The following BPIFB4 variants were observed in gnomAD, a reference collection of about 807,000 sequenced individuals.
BPIFB4 encodes BPI fold containing family B member 4.
BPIFB4 carries 62 observed loss-of-function variants against 69.2 expected under a neutral mutation model. That is an observed-to-expected ratio of 0.90 (90% CI 0.73 to 1.11). BPIFB4 has a LOEUF of 1.11. Ranked by LOEUF, BPIFB4 falls within the 50% of genes least tolerant of loss-of-function variation. The pLI, the probability that BPIFB4 is intolerant of heterozygous loss-of-function variation, is 0.00. For synonymous variants in BPIFB4, 330 were observed against 332.7 expected (o/e 0.99, Z 0.09); for missense variants, 789 against 792.0 (o/e 1.00, Z 0.04).
rs757051950 is a variant in BPIFB4, at chr20:33,089,008, G to T, written c.969G>T (p.Leu323=). The T allele has an allele frequency of 2.0e-5, 33 of 1,613,788 alleles. No homozygotes were observed. The highest frequency in any genetic ancestry group is 2.5e-5 in the Non-Finnish European group (30 of 1,179,870). Residue 323 remains leucine, a synonymous_variant, in exon 8 of 18, where the codon CTG becomes CTT. Coordinates refer to ENST00000375483, the MANE Select transcript of BPIFB4 (RefSeq NM_182519.3). The part of the protein sequence containing the change: ...NLVDNLVNRV[L]ADVLPDLLCP... ...TGGACAATTTAGTGAACCGAGTCCT[G>T]GCCGACGTCCTCCCTGACTTGGTAA...
intron 7 of BPIFB4, among the ~76,000 whole-genome samples, chr20:33,087,567 A>G (rs773043529): frequency 1.3e-5 from 2 of 152,166 alleles, no homozygotes; most frequent in Non-Finnish European, 2.9e-5. Context: ...AATTTGCCTG[A>G]TCTTGTGTCC....
intron 9 of BPIFB4, 130 bp from the exon 10 acceptor site, chr20:33,090,578 T>G (rs1981568055): frequency 6.9e-7 from 1 of 1,453,710 alleles, no homozygotes; most frequent in East Asian, 2.4e-5. Context: ...AACCCAGAAC[T>G]TTTGCTCTTT....
intron 11 of BPIFB4, among the ~76,000 whole-genome samples, chr20:33,094,237 A>T (rs1452512104): frequency 6.6e-6 from 1 of 152,216 alleles, no homozygotes. Flanking sequence ...AATGATATCC[A>T]TGCAGAAGGT....
At position 33,100,483 on chromosome 20, in the gene BPIFB4, A is replaced by C. The variant is rs1265598421; in HGVS notation, c.1627A>C (p.Lys543Gln). The C allele has an allele frequency of 1.2e-6, 2 of 1,607,740 alleles. No homozygotes were observed. The highest frequency in any genetic ancestry group is 1.7e-6 in the Non-Finnish European group (2 of 1,174,204). The change falls in exon 14 of 18, where the codon AAG becomes CAG. Residue 543 changes from lysine (K) to glutamine (Q), a missense_variant. Around this residue, in one of 3 missense-constraint regions of BPIFB4, gnomAD observed 170 missense variants for 193.6 expected, o/e 0.88. Transcript: ENST00000375483. Reference sequence around the variant, plus strand: ...AGGAGATAAGCTCATGATTGATGCCAAGCTGGAGAAGTAAGGGGCTATGCT... The same window carrying C: ...AGGAGATAAGCTCATGATTGATGCCCAGCTGGAGAAGTAAGGGGCTATGCT... The part of the protein sequence containing the change: ...TEGDKLMIDA[K>Q]LEKTSLNLRT...
At position 33,083,687 on chromosome 20, in the gene BPIFB4, G is replaced by T; in HGVS notation, c.490G>T (p.Gly164Trp). 1 of 1,614,062 alleles carries T rather than the reference G, an allele frequency of 6.2e-7. No homozygotes were observed. The highest frequency in any genetic ancestry group is 8.5e-7 in the Non-Finnish European group (1 of 1,179,976). Residue 164 changes from glycine (G) to tryptophan (W), a missense_variant, in exon 5 of 18, where the codon GGG becomes TGG. Transcript: ENST00000375483. ...PGEIPPGVAT[G>W]AVGPGGLLGT... ...AGAAATCCCACCTGGAGTTGCCACT[G>T]GGGCGGTGGGCCCAGGTGGTTTGCT... is the stretch of plus-strand genomic sequence containing the variant.
At chr20:33,106,422 G>A (rs1982059287) in intron 16 of BPIFB4, among the ~76,000 whole-genome samples, 1 of 145,246 alleles carries the variant, frequency 6.9e-6, no homozygotes, top group Non-Finnish European at 1.5e-5. Context: ...GCCCAGGCTA[G>A]AGTACAGTGG....
intron 16 of BPIFB4, among the ~76,000 whole-genome samples, chr20:33,106,019 G>A (rs964832440): frequency 6.6e-6 from 1 of 152,166 alleles, no homozygotes; most frequent in African/African-American, 2.4e-5. Flanking sequence ...AGCGTTCCAT[G>A]GCCGAGCAAG....
At chr20:33,082,391 T>C (rs1351445056) in intron 3 of BPIFB4, among the ~76,000 whole-genome samples, 1 of 152,178 alleles carries the variant, frequency 6.6e-6, no homozygotes, top group Non-Finnish European at 1.5e-5. Flanking sequence ...TGGAGTGCAA[T>C]GGTGCGATCT....
chr20:33,098,105 A>G (rs530579420), intron 13 of BPIFB4, among the ~76,000 whole-genome samples: 1 of 152,292 alleles, frequency 6.6e-6, no homozygotes, highest in East Asian at 1.9e-4. Context: ...GGTTGTCGTG[A>G]TGACTGAATG....
In BPIFB4 at chr20:33,095,097, T is replaced by C. The variant is rs1056464618; in HGVS notation, c.1345-3T>C. On this transcript the variant is annotated splice_polypyrimidine_tract_variant and splice_region_variant and intron_variant, in intron 11 of 17. Transcript: ENST00000375483. ...TCACGTGGCCCTTCTTCTTGTCCTA[T>C]AGTTTGAAGAGCTTCCTCCACTTAC... The C allele has an allele frequency of 1.9e-6, 3 of 1,610,562 alleles. No homozygotes were observed. Among genetic ancestry groups the C allele is most frequent in the African/African-American group, 2.7e-5 (2 of 74,840 alleles).
intron 6 of BPIFB4, among the ~76,000 whole-genome samples, 184 bp from the exon 7 acceptor site, chr20:33,085,837 G>A (rs970161742): frequency 9.2e-5 from 14 of 152,236 alleles, no homozygotes; most frequent in African/African-American, 3.1e-4. Context: ...CTCATGGGCT[G>A]AGGGGGAGAT....
intron 2 of BPIFB4, 48 bp from the exon 3 acceptor site, chr20:33,081,463 AG>A: frequency 6.5e-7 from 1 of 1,541,510 alleles, no homozygotes; most frequent in Non-Finnish European, 8.8e-7. Flanking sequence ...CCTGCTGGCC[AG>A]GGTGGTGGCG....
chr20:33,110,813 G>GTTTTT (rs1409074801), intron 17 of BPIFB4, among the ~76,000 whole-genome samples: 1 of 114,244 alleles, frequency 8.8e-6, no homozygotes, highest in Non-Finnish European at 1.8e-5. Flanking sequence ...TTTTGTTGAA[G>GTTTTT]TTTTTTTTTT....
At chr20:33,090,887 A>G in intron 10 of BPIFB4, 88 bp downstream of exon 10, 1 of 1,511,004 alleles carries the variant, frequency 6.6e-7, no homozygotes, top group Non-Finnish European at 9.0e-7. Flanking sequence ...CTTCTGCTGA[A>G]TGCCTGGGAA....
At chr20:33,083,141 G>A (rs982280973) in intron 4 of BPIFB4, 141 bp downstream of exon 4, 41 of 968,628 alleles carry the variant, frequency 4.2e-5, no homozygotes, top group Non-Finnish European at 5.1e-5. Flanking sequence ...TCTGTTGGGT[G>A]GAGGCTTACT....
intron 9 of BPIFB4, 136 bp from the exon 10 acceptor site, chr20:33,090,572 C>T: frequency 2.1e-6 from 3 of 1,437,142 alleles, no homozygotes; most frequent in Non-Finnish European, 2.8e-6. Flanking sequence ...GATTCAAACC[C>T]AGAACTTTTG....
chr20:33,083,994 T>G, intron 5 of BPIFB4, 120 bp downstream of exon 5: 1 of 1,224,072 alleles, frequency 8.2e-7, no homozygotes, highest in Non-Finnish European at 1.1e-6. Context: ...CTTCAGGGTT[T>G]GGCCTCAGGA....
At chr20:33,089,151 C>T in intron 8 of BPIFB4, 122 bp downstream of exon 8, 1 of 1,470,820 alleles carries the variant, frequency 6.8e-7, no homozygotes, top group African/African-American at 1.4e-5. Flanking sequence ...GAGCCAAGGC[C>T]TGGGGCATGT....
chr20:33,090,756 G>A lies in BPIFB4; in HGVS notation c.1100G>A (p.Ser367Asn). ...GGAAGTGTCCAGTACACCTTCTCCA[G>A]CCTCCCGCTTGTGACCGGGGAATTC... ...ILGSVQYTFS[S>N]LPLVTGEFLE... The change falls in exon 10 of 18, where the codon AGC (serine) becomes AAC (asparagine). Residue 367 changes from serine (S) to asparagine (N), a missense_variant. Physicochemically the swap from Ser to Asn is conservative, Grantham distance 46. Around this residue, in one of 3 missense-constraint regions of BPIFB4, gnomAD observed 611 missense variants for 575.4 expected, o/e 1.06. Coordinates refer to ENST00000375483, the MANE Select transcript of BPIFB4 (RefSeq NM_182519.3). 1 of 1,614,186 alleles carries A rather than the reference G, an allele frequency of 6.2e-7. No homozygotes were observed. Among genetic ancestry groups the A allele is most frequent in the African/African-American group, 1.3e-5 (1 of 75,056 alleles).
Sources: gnomAD v4.1 joint callset for allele counts (sites outside exome capture counted in the v4.1 genomes callset) on GRCh38, gnomAD v4.1.1 for gene constraint, gnomAD v4.1.1 regional missense constraint, MANE v1.5 for transcripts, NCBI Gene and HGNC (gene_info 2026-07-23, HGNC 2026-07-21) for gene names.